Variants in EMID1 observed in about 807,000 individuals in gnomAD.
EMID1 encodes EMI domain-containing protein 1.
A neutral mutation model predicts 60.6 loss-of-function variants in EMID1; 40 were observed. The ratio of observed to expected loss-of-function variants is 0.66; its 90% CI spans 0.51 to 0.86. The LOEUF (loss-of-function observed/expected upper bound fraction) is 0.86, where lower values mean the gene tolerates loss of function less well. EMID1 is among the 40% of genes least tolerant of loss of function. EMID1 has a pLI of 0.00. For missense variants in EMID1, 585 were observed against 597.1 expected, an observed-to-expected ratio of 0.98 and a Z score of 0.21; for synonymous variants, 242 against 231.0, an observed-to-expected ratio of 1.05 and a Z score of -0.43.
chr22:29,253,958 A>G (rs955402286), intron 13 of EMID1: 2 of 985,270 alleles, frequency 2.0e-6, no homozygotes, highest in African/African-American at 1.7e-5. Flanking sequence ...CTTGTCAGAG[A>G]GCAGCCAGCT....
At chr22:29,227,000 C>T (rs73401032) in intron 5 of EMID1, among the ~76,000 whole-genome samples, 2 of 152,030 alleles carry the variant, frequency 1.3e-5, no homozygotes, top group Non-Finnish European at 2.9e-5. Flanking sequence ...TCTATCCCCC[C>T]AACCCCCATC....
chr22:29,206,080 C>A lies in EMID1; in HGVS notation c.42C>A (p.Leu14=), dbSNP rs993885211. Residue 14 remains leucine (L), a synonymous_variant, in exon 1 of 15, where the codon CTC becomes CTA. Transcript: ENST00000334018. ...CTTGGGCGCTGCTCTGCCTCGGGCT[C>A]CTGCTCCCGGGAGGCGGCGCTGCGT... ...PRAWALLCLG[L]LLPGGGAAWS... The A allele has an allele frequency of 7.3e-6, 9 of 1,230,430 alleles. No individual in the cohort carries two copies. Among genetic ancestry groups the A allele is most frequent in the Non-Finnish European group, 8.1e-6 (8 of 987,216 alleles). 76.2% of individuals were successfully genotyped at this position (1,230,430 alleles called of 1,614,324 possible).
Position 29,258,899 on chromosome 22 carries a change from C to T in EMID1, c.1287C>T (p.Thr429=). The T allele has an allele frequency of 6.2e-7, 1 of 1,613,390 alleles. No homozygotes were observed. The highest frequency in any genetic ancestry group is 8.5e-7 in the Non-Finnish European group (1 of 1,179,760). Residue 429 remains threonine (T), a synonymous_variant, in exon 15 of 15, where the codon ACC becomes ACT. Transcript: ENST00000334018. Reference sequence around the variant, plus strand: ...GGGGCAAGAGGGGCGGACATGCAACCAACTACCGGATCGTGGCCCCCAGGA... The same window carrying T: ...GGGGCAAGAGGGGCGGACATGCAACTAACTACCGGATCGTGGCCCCCAGGA... The part of the protein sequence containing the change: ...LLRGKRGGHA[T]NYRIVAPRSR...
chr22:29,239,761 C>CT (rs374949058), intron 12 of EMID1, among the ~76,000 whole-genome samples: 45,175 of 143,316 alleles, frequency 0.32, 8,421 homozygotes, highest in Middle Eastern at 0.45. Context: ...AGATCTCAGT[C>CT]TTTTTTTTTT....
chr22:29,223,332 T>C lies in EMID1; in HGVS notation c.320-1801T>C, dbSNP rs535912438. Among the ~76,000 whole-genome samples the C allele has an allele frequency of 1.6e-3, 249 of 152,124 alleles. No individual in the cohort carries two copies. In the South Asian group the frequency reaches 0.021, roughly 13 times the overall value. ...GAGTAGAGGGGAGGGCAGAAGCAGGTGGGGGGAGCAGCCGAAGCTTCATCA... is the reference window on the plus strand; with the variant it reads ...GAGTAGAGGGGAGGGCAGAAGCAGGCGGGGGGAGCAGCCGAAGCTTCATCA... On this transcript the variant is annotated intron_variant, in intron 3 of 14. Transcript: ENST00000334018.
intron 12 of EMID1, among the ~76,000 whole-genome samples, chr22:29,236,133 C>G (rs1050185554): frequency 6.6e-6 from 1 of 152,172 alleles, no homozygotes; most frequent in Non-Finnish European, 1.5e-5. Context: ...GTGGCCCACA[C>G]CTGTAATTCC....
chr22:29,236,086 C>T (rs925826556), intron 12 of EMID1, among the ~76,000 whole-genome samples: 1 of 152,082 alleles, frequency 6.6e-6, no homozygotes, highest in African/African-American at 2.4e-5. Context: ...TGCATTTAGG[C>T]CATTGACATT....
intron 5 of EMID1, 148 bp downstream of exon 5, chr22:29,226,699 C>T: frequency 1.4e-6 from 1 of 729,932 alleles, no homozygotes; most frequent in Non-Finnish European, 2.1e-6. Context: ...ACTCGGCGAG[C>T]AGCATCCCCT....
rs564173110 is a variant in EMID1 at position 29,217,775 on chromosome 22, G to C, written c.319+2145G>C. On this transcript the variant is annotated intron_variant, in intron 3 of 14. Transcript: ENST00000334018. ...TCTGCTGGGGTCCTAGGAATGGGGA[G>C]CAGAGAGGCATAGGGACATTGCCAG... 2.4e-4 allele frequency among the ~76,000 whole-genome samples: 36 copies of C among 152,348 alleles called. 1 individual carries two copies. Among genetic ancestry groups the C allele is most frequent in the African/African-American group, 7.7e-4 (32 of 41,568 alleles).
intron 8 of EMID1, chr22:29,233,099 C>G: frequency 2.1e-6 from 1 of 482,654 alleles, no homozygotes; most frequent in East Asian, 3.4e-5. Flanking sequence ...ATTGTCATTC[C>G]CATTTGACAG....
rs538670361 is a variant in EMID1, at chr22:29,228,764, TA to T, written c.465+2219del. 1.2e-4 allele frequency among the ~76,000 whole-genome samples: 18 copies of T among 152,234 alleles called. No individual in the cohort carries two copies. The East Asian group carries it at 3.5e-3, about 29-fold the overall frequency. On this transcript the variant is annotated intron_variant, in intron 5 of 14. Coordinates refer to ENST00000334018, the MANE Select transcript of EMID1 (RefSeq NM_133455.4). ...CATGTGCCACCACACCTGGCTAGTT[TA>T]AAAAACTTTTTTTAGAGCTGGGGTC...
At chr22:29,215,193 A>T in intron 2 of EMID1, 154 bp downstream of exon 2, 1 of 985,398 alleles carries the variant, frequency 1.0e-6, no homozygotes, top group Non-Finnish European at 1.2e-6. Context: ...TTCTCAGCCT[A>T]TCCCCTGTGC....
Position 29,226,653 on chromosome 22 carries a change from G to A in EMID1, c.465+102G>A, listed in dbSNP as rs549557383. 27 of 1,217,384 alleles carry A rather than the reference G, an allele frequency of 2.2e-5. 1 individual carries two copies. In the East Asian group the frequency reaches 4.1e-4, roughly 19 times the overall value. 75.4% of individuals were successfully genotyped at this position (1,217,384 alleles called of 1,614,324 possible). On this transcript the variant is annotated intron_variant, in intron 5 of 14. Coordinates refer to ENST00000334018, the MANE Select transcript of EMID1 (RefSeq NM_133455.4). ...ACCTCCTTCCCCGCACCCCATGCTC[G>A]CACCCTCAGTGAACCCACAGGGCAG...
chr22:29,211,938 TA>T (rs145832942), intron 1 of EMID1, among the ~76,000 whole-genome samples: 13,413 of 152,262 alleles, frequency 0.088, 765 homozygotes, highest in African/African-American at 0.15. Context: ...TAAAGGGGCT[TA>T]TGCCCCCACT....
chr22:29,216,509 C>G, intron 3 of EMID1: 1 of 985,298 alleles, frequency 1.0e-6, no homozygotes, highest in African/African-American at 1.7e-5. Flanking sequence ...GCATTCAGGG[C>G]CCCCACAGCA....
intron 5 of EMID1, among the ~76,000 whole-genome samples, chr22:29,228,244 T>C (rs2040602505): frequency 6.6e-6 from 1 of 151,444 alleles, no homozygotes; most frequent in South Asian, 2.1e-4. Context: ...GAGAATTGCT[T>C]GAACCCAGGA....
chr22:29,257,436 G>C (rs1381201039), intron 14 of EMID1, among the ~76,000 whole-genome samples: 1 of 152,188 alleles, frequency 6.6e-6, no homozygotes, highest in African/African-American at 2.4e-5. Context: ...CATTTTACAG[G>C]TGAAGAAACA....
At chr22:29,239,961 G>A (rs1421923179) in intron 12 of EMID1, among the ~76,000 whole-genome samples, 2 of 151,486 alleles carry the variant, frequency 1.3e-5, no homozygotes, top group African/African-American at 2.4e-5. Flanking sequence ...ACAGGCGCCC[G>A]CCACCACACC....
intron 12 of EMID1, 144 bp downstream of exon 12, chr22:29,234,493 C>G (rs2040872111): frequency 2.0e-6 from 2 of 982,480 alleles, no homozygotes; most frequent in Non-Finnish European, 3.0e-6. Flanking sequence ...CTCTGAGACT[C>G]ATTGTCCTCT....
Sources: gnomAD v4.1 joint callset for allele counts (sites outside exome capture counted in the v4.1 genomes callset) on GRCh38, gnomAD v4.1.1 for gene constraint, MANE v1.5 for transcripts, NCBI Gene and HGNC (gene_info 2026-07-23, HGNC 2026-07-21) for gene names.